The following ABL2 variants were observed in gnomAD, a reference collection of about 807,000 sequenced individuals.
ABL2 encodes the protein ABL proto-oncogene 2, non-receptor tyrosine kinase.
A neutral mutation model predicts 107.7 loss-of-function variants in ABL2; 49 were observed. That is an observed-to-expected ratio of 0.45 (90% CI 0.36 to 0.58). The LOEUF (loss-of-function observed/expected upper bound fraction) is 0.58, where lower values mean the gene tolerates loss of function less well. ABL2 is among the 20% of genes least tolerant of loss of function. The pLI is 0.00. For synonymous variants in ABL2, 549 were observed against 548.6 expected (o/e 1.00, Z -0.01); for missense variants, 1,245 against 1,457.0 (o/e 0.85, Z 2.37).
At chr1:179,149,629 T>C (rs770750997) in intron 1 of ABL2, among the ~76,000 whole-genome samples, 10 of 152,186 alleles carry the variant, frequency 6.6e-5, no homozygotes, top group Non-Finnish European at 1.3e-4. Flanking sequence ...CCAACGCTCA[T>C]TTGCCATTTT....
At chr1:179,178,530 T>C (rs2102792090) in intron 1 of ABL2, among the ~76,000 whole-genome samples, 1 of 152,072 alleles carries the variant, frequency 6.6e-6, no homozygotes, top group African/African-American at 2.4e-5. Flanking sequence ...AATGACCTTA[T>C]AACTAAAATT....
At chr1:179,127,123 C>T (rs752625734) in intron 3 of ABL2, among the ~76,000 whole-genome samples, 1 of 151,934 alleles carries the variant, frequency 6.6e-6, no homozygotes, top group Non-Finnish European at 1.5e-5. Context: ...ATGTGAGATA[C>T]AAAGTGACTT....
chr1:179,186,172 G>A (rs1473604671), intron 1 of ABL2, among the ~76,000 whole-genome samples: 1 of 151,992 alleles, frequency 6.6e-6, no homozygotes, highest in African/African-American at 2.4e-5. Flanking sequence ...TTGAACCTGG[G>A]AGGCAGAGGT....
At chr1:179,143,137 A>G in intron 1 of ABL2, 1 of 1,500,552 alleles carries the variant, frequency 6.7e-7, no homozygotes, top group Non-Finnish European at 9.0e-7. Context: ...CATGCATGTG[A>G]CATTTACTCA....
rs1021974585 is a variant in ABL2, at chr1:179,106,024, G to T, written c.*1694C>A. ...AGATTAAGAGATGAGGCTGTGGTTT[G>T]ACAGTGTATCAATGACAGAGCCAGA... On this transcript the variant is annotated 3_prime_UTR_variant, in exon 12 of 12. Coordinates refer to ENST00000502732, the MANE Select transcript of ABL2 (RefSeq NM_007314.4). 2 of 219,134 alleles carry T rather than the reference G, an allele frequency of 9.1e-6. No individual in the cohort carries two copies. The highest frequency in any genetic ancestry group is 4.5e-5 in the African/African-American group (2 of 44,568). The allele number at this position is 219,134 out of a possible 1,614,324, so 13.6% of individuals were successfully genotyped here. A position where few individuals can be genotyped will look rare whatever the true frequency, so the allele number is the denominator to read the frequency against.
chr1:179,130,730 G>T (rs1315824705), intron 3 of ABL2, among the ~76,000 whole-genome samples: 27 of 128,202 alleles, frequency 2.1e-4, no homozygotes, highest in African/African-American at 8.4e-4. Context: ...TTGATTTTGT[G>T]TGTGTGTGTG....
intron 1 of ABL2, among the ~76,000 whole-genome samples, chr1:179,158,079 A>T (rs796874109): frequency 6.6e-6 from 1 of 152,246 alleles, no homozygotes; most frequent in South Asian, 2.1e-4. Context: ...AAAGGAGACC[A>T]TAGGAGAGTC....
rs748480184 is a variant in ABL2 at position 179,118,717 on chromosome 1, G to C, written c.1093C>G (p.Pro365Ala). The change falls in exon 7 of 12, where the codon CCA becomes GCA. Residue 365 changes from proline to alanine, a missense_variant. By Grantham distance (27) the Pro-to-Ala change is conservative (BLOSUM62 -1). Around this residue, in one of 3 missense-constraint regions of ABL2, gnomAD observed 320 missense variants for 547.0 expected, o/e 0.59. Coordinates refer to ENST00000502732, the MANE Select transcript of ABL2 (RefSeq NM_007314.4). Reference protein sequence around the residue: ...PPFYIVTEYMPYGNLLDYLRE... With the variant: ...PPFYIVTEYMAYGNLLDYLRE... Reference sequence around the variant, plus strand: ...AGGTAATCCAGCAAATTCCCGTATGGCATGTATTCAGTCACAATGTAAAAT... The same window carrying C: ...AGGTAATCCAGCAAATTCCCGTATGCCATGTATTCAGTCACAATGTAAAAT... The C allele has an allele frequency of 3.1e-6, 5 of 1,614,044 alleles. No homozygotes were observed. The South Asian group carries it at 5.5e-5, about 18-fold the overall frequency.
At chr1:179,194,370 A>T (rs1661187468) in intron 1 of ABL2, among the ~76,000 whole-genome samples, 1 of 152,238 alleles carries the variant, frequency 6.6e-6, no homozygotes, top group Non-Finnish European at 1.5e-5. Flanking sequence ...ACTAAATGTC[A>T]ACAATCAAAT....
chr1:179,225,048 A>G (rs1663116450), intron 1 of ABL2, among the ~76,000 whole-genome samples: 1 of 152,050 alleles, frequency 6.6e-6, no homozygotes, highest in Non-Finnish European at 1.5e-5. Context: ...AAAATAAAAG[A>G]GTTGACAAAA....
At chr1:179,190,058 CT>C (rs1660911543) in intron 1 of ABL2, among the ~76,000 whole-genome samples, 1 of 152,110 alleles carries the variant, frequency 6.6e-6, no homozygotes, top group Admixed American at 6.5e-5. Context: ...CTCAGGTGAT[CT>C]GCCCACCTCG....
At chr1:179,115,171 A>G (rs1196807605) in intron 8 of ABL2, 141 bp from the exon 9 acceptor site, 5 of 645,028 alleles carry the variant, frequency 7.8e-6, no homozygotes, top group African/African-American at 7.6e-5. Flanking sequence ...TCTTTTATCA[A>G]TTCTTACAGC....
chr1:179,173,416 G>A (rs1392531487), intron 1 of ABL2, among the ~76,000 whole-genome samples: 2 of 136,746 alleles, frequency 1.5e-5, no homozygotes, highest in Non-Finnish European at 3.1e-5. Flanking sequence ...AGGCTGGAGT[G>A]CAATGGCACG....
chr1:179,171,802 T>C (rs1014965864), intron 1 of ABL2, among the ~76,000 whole-genome samples: 6 of 152,232 alleles, frequency 3.9e-5, no homozygotes, highest in Non-Finnish European at 7.3e-5. Flanking sequence ...TGAGCCACCA[T>C]GACTAGCCTG....
rs2102612594 is a variant in ABL2 at position 179,117,349 on chromosome 1, AT to A, written c.1390del (p.Ile464LeufsTer35). On this transcript the variant is annotated frameshift_variant, in exon 8 of 12. Coordinates refer to ENST00000502732, the MANE Select transcript of ABL2 (RefSeq NM_007314.4). LOFTEE classifies it high-confidence loss of function. ...AACCTTACCCCAGACGTCAGATTTA[AT>A]TGAGAAGGTATTGTAGGCAAGACTC... ...PESLAYNTFS[I>X]KSDVWAFGVL... The A allele has an allele frequency of 8.7e-6, 14 of 1,614,166 alleles. No individual in the cohort carries two copies. Among genetic ancestry groups the A allele is most frequent in the Non-Finnish European group, 1.2e-5 (14 of 1,180,020 alleles).
chr1:179,227,091 T>C (rs1663258960), intron 1 of ABL2, among the ~76,000 whole-genome samples: 1 of 152,182 alleles, frequency 6.6e-6, no homozygotes, highest in Non-Finnish European at 1.5e-5. Flanking sequence ...ATCAGGTAAA[T>C]GGATATAAAC....
chr1:179,141,115 C>CAAAAA (rs34158477), intron 1 of ABL2, among the ~76,000 whole-genome samples: 1 of 62,920 alleles, frequency 1.6e-5, no homozygotes, highest in African/African-American at 5.8e-5. Flanking sequence ...GACTCTGTCT[C>CAAAAA]AAAAAAAAAA....
chr1:179,123,503 T>TA (rs1419248904), intron 4 of ABL2, among the ~76,000 whole-genome samples: 4 of 151,934 alleles, frequency 2.6e-5, no homozygotes, highest in African/African-American at 4.8e-5. Context: ...AGACTCCATC[T>TA]AAAAAAAAGA....
chr1:179,160,949 G>A (rs1557965000), intron 1 of ABL2, among the ~76,000 whole-genome samples: 1 of 152,080 alleles, frequency 6.6e-6, no homozygotes, highest in Non-Finnish European at 1.5e-5. Flanking sequence ...GCAAAGGCTG[G>A]TCTCAAACAC....
Sources: allele counts gnomAD v4.1 joint callset (sites outside exome capture counted in the v4.1 genomes callset), GRCh38; gene constraint gnomAD v4.1.1; regional missense constraint gnomAD v4.1.1; transcripts MANE v1.5; gene names NCBI Gene and HGNC (gene_info 2026-07-23, HGNC 2026-07-21).